Variants in EHBP1 observed in about 807,000 individuals in gnomAD.
EHBP1 encodes EH domain binding protein 1.
In EHBP1, 55 loss-of-function variants were observed where a neutral mutation model predicts 144.0. That is an observed-to-expected ratio of 0.38 (90% CI 0.31 to 0.48). EHBP1 has a LOEUF of 0.48. Among genes scored for constraint, EHBP1 ranks in the 20% least tolerant of loss-of-function variants. EHBP1 has a pLI of 0.98. For missense variants in EHBP1, 1,200 were observed against 1,364.2 expected (o/e 0.88, Z 1.90); for synonymous variants, 469 against 472.7 (o/e 0.99, Z 0.10).
intron 15 of EHBP1, among the ~76,000 whole-genome samples, chr2:62,987,206 A>C (rs1470900080): frequency 6.6e-6 from 1 of 152,190 alleles, no homozygotes; most frequent in Non-Finnish European, 1.5e-5. Flanking sequence ...ATCTACTAAA[A>C]ATCCTTAATG....
chr2:62,820,410 C>T (rs780418771), intron 5 of EHBP1, among the ~76,000 whole-genome samples: 1 of 151,604 alleles, frequency 6.6e-6, no homozygotes, highest in Admixed American at 6.6e-5. Context: ...GTGTACAATT[C>T]AGTGCCATTG....
Position 62,951,512 on chromosome 2 carries a change from A to C in EHBP1, c.2316+2350A>C, listed in dbSNP as rs2057380213. ...GACCCTAAATTGTCATATTCAATAC[A>C]AATTTTTCTTTTTTTTTTTTTTGGG... On this transcript the variant is annotated intron_variant, in intron 13 of 22. Coordinates refer to ENST00000431489, the MANE Select transcript of EHBP1 (RefSeq NM_001142616.3). Among the ~76,000 whole-genome samples the C allele has an allele frequency of 2.2e-5, 3 of 138,716 alleles. No individual in the cohort carries two copies. The South Asian group carries it at 7.4e-4, about 34-fold the overall frequency. 91.0% of individuals were successfully genotyped at this position (138,716 alleles called of 152,430 possible). A position where few individuals can be genotyped will look rare whatever the true frequency, so the allele number is the denominator to read the frequency against.
At chr2:63,001,505 G>A (rs1402859962) in intron 19 of EHBP1, among the ~76,000 whole-genome samples, 2 of 152,054 alleles carry the variant, frequency 1.3e-5, no homozygotes, top group Non-Finnish European at 2.9e-5. Flanking sequence ...TTAAAGCAGG[G>A]AATAGGGCCC....
chr2:62,754,936 C>T (rs963817832), intron 3 of EHBP1, among the ~76,000 whole-genome samples: 9 of 152,188 alleles, frequency 5.9e-5, no homozygotes, highest in South Asian at 2.1e-4. Context: ...TTGCACTTCC[C>T]GGGTGAGGCA....
At position 62,864,951 on chromosome 2, in the gene EHBP1, TGAA is replaced by T. The variant is rs773558724; in HGVS notation, c.988_990del (p.Glu330del). ...ACCTCTATGCTGATAGTTCTAAAACTGAAGAAGAAGAATTGGATGAGTAAGTAC... is the reference window on the plus strand; with the variant it reads ...ACCTCTATGCTGATAGTTCTAAAACTGAAGAAGAATTGGATGAGTAAGTAC... On this transcript the variant is annotated inframe_deletion, in exon 9 of 23. Transcript: ENST00000431489. The T allele has an allele frequency of 7.3e-5, 118 of 1,612,970 alleles. No homozygotes were observed. The highest frequency in any genetic ancestry group is 4.0e-4 in the African/African-American group (30 of 74,910).
At chr2:62,858,270 A>T (rs1006820266) in intron 7 of EHBP1, 1 of 549,806 alleles carries the variant, frequency 1.8e-6, no homozygotes, top group Non-Finnish European at 3.3e-6. Context: ...GGGTTCATCA[A>T]AATAACATCC....
chr2:62,864,889 A>G lies in EHBP1; in HGVS notation c.916A>G (p.Lys306Glu), dbSNP rs765884233. The change falls in exon 9 of 23, where the codon AAA (lysine) becomes GAA (glutamate). Residue 306 changes from lysine (K) to glutamate (E), a missense_variant. Coordinates refer to ENST00000431489, the MANE Select transcript of EHBP1 (RefSeq NM_001142616.3). ...AAAGGATTCTCCTCCCCAGTCTACAAAAAGAAAAAATATAAGACCTGTGGA... is the reference window on the plus strand; with the variant it reads ...AAAGGATTCTCCTCCCCAGTCTACAGAAAGAAAAAATATAAGACCTGTGGA... The part of the protein sequence containing the change: ...TIKDSPPQST[K>E]RKNIRPVDMS... 7.4e-6 allele frequency: 12 copies of G among 1,613,982 alleles called. No individual in the cohort carries two copies. The highest frequency in any genetic ancestry group is 2.2e-5 in the East Asian group (1 of 44,858).
intron 1 of EHBP1, among the ~76,000 whole-genome samples, chr2:62,697,375 C>T (rs2034137240): frequency 1.3e-5 from 2 of 152,188 alleles, no homozygotes; most frequent in South Asian, 2.1e-4. Context: ...TGACTTTGCA[C>T]AAGCAGCCAC....
intron 10 of EHBP1, among the ~76,000 whole-genome samples, chr2:62,899,216 C>CT (rs2053198867): frequency 6.6e-6 from 1 of 152,138 alleles, no homozygotes; most frequent in African/African-American, 2.4e-5. Context: ...CTGAAGGGGT[C>CT]TTCCCTAAAT....
At chr2:62,970,401 G>T (rs17348085) in intron 14 of EHBP1, among the ~76,000 whole-genome samples, 5,663 of 151,844 alleles carry the variant, frequency 0.037, 144 homozygotes, top group Non-Finnish European at 0.054. Context: ...TGAAATGTGG[G>T]TTTTTTTTGG....
chr2:62,935,564 C>T (rs2056329452), intron 10 of EHBP1, among the ~76,000 whole-genome samples: 1 of 151,794 alleles, frequency 6.6e-6, no homozygotes, highest in African/African-American at 2.4e-5. Context: ...GTATCCAACA[C>T]CTTGCTAAAT....
chr2:62,837,124 G>A (rs1352644579), intron 7 of EHBP1, among the ~76,000 whole-genome samples: 1 of 147,062 alleles, frequency 6.8e-6, no homozygotes, highest in African/African-American at 2.5e-5. Context: ...AAGCCCATCA[G>A]ACTAACAGCG....
chr2:63,005,681 G>A (rs1053225346), intron 19 of EHBP1, among the ~76,000 whole-genome samples: 12 of 151,968 alleles, frequency 7.9e-5, no homozygotes, highest in Non-Finnish European at 2.9e-5. Context: ...CATTAGATGT[G>A]TGGCCAATAT....
chr2:62,703,820 GTCTC>G, upstream of EHBP1, among the ~76,000 whole-genome samples: 1 of 152,290 alleles, frequency 6.6e-6, no homozygotes, highest in Middle Eastern at 3.4e-3. Context: ...AATAAAGTCA[GTCTC>G]TCTATTTTTT....
intron 1 of EHBP1, among the ~76,000 whole-genome samples, chr2:62,675,580 T>C (rs2033254558): frequency 6.6e-6 from 1 of 151,828 alleles, no homozygotes; most frequent in Non-Finnish European, 1.5e-5. Context: ...AGTTAGAACA[T>C]GGGGAAAAAA....
At chr2:62,957,641 C>CCTTTT (rs2057768864) in intron 14 of EHBP1, among the ~76,000 whole-genome samples, 1 of 87,174 alleles carries the variant, frequency 1.1e-5, no homozygotes, top group African/African-American at 5.1e-5. Flanking sequence ...AAAATAAATG[C>CCTTTT]TTTTTTTTTT....
At chr2:62,930,792 CA>C (rs921684090) in intron 10 of EHBP1, among the ~76,000 whole-genome samples, 24 of 152,026 alleles carry the variant, frequency 1.6e-4, no homozygotes, top group African/African-American at 5.5e-4. Flanking sequence ...ACCATTTTTT[CA>C]ACAAATAATA....
chr2:62,761,509 T>C (rs1426969042), intron 3 of EHBP1, among the ~76,000 whole-genome samples: 5 of 152,332 alleles, frequency 3.3e-5, no homozygotes, highest in Admixed American at 6.5e-5. Context: ...TTACCTAATC[T>C]TGATCCCTTC....
intron 1 of EHBP1, among the ~76,000 whole-genome samples, chr2:62,697,056 C>T (rs1031682929): frequency 2.6e-5 from 4 of 152,120 alleles, no homozygotes; most frequent in Non-Finnish European, 4.4e-5. Flanking sequence ...GACCATTACA[C>T]TCTTGAAAGT....
Sources: allele counts gnomAD v4.1 joint callset (sites outside exome capture counted in the v4.1 genomes callset), GRCh38; gene constraint gnomAD v4.1.1; transcripts MANE v1.5; gene names NCBI Gene and HGNC (gene_info 2026-07-23, HGNC 2026-07-21).